Variants in PDZD8 observed in about 807,000 individuals in gnomAD.
The protein encoded by PDZD8 is PDZ domain-containing protein 8.
In PDZD8, 14 loss-of-function variants were observed where a neutral mutation model predicts 85.8. The observed-to-expected ratio is 0.16, with a 90% CI of 0.11 to 0.26. The LOEUF (loss-of-function observed/expected upper bound fraction) is 0.26, where lower values mean the gene tolerates loss of function less well. PDZD8 is among the 10% of genes least tolerant of loss of function. The probability of loss-of-function intolerance (pLI) is 1.00; values close to 1 mark genes in which losing one functional copy is unlikely to be tolerated. For synonymous variants in PDZD8, 592 were observed against 568.6 expected, an observed-to-expected ratio of 1.04 and a Z score of -0.59; for missense variants, 1,197 against 1,424.3, an observed-to-expected ratio of 0.84 and a Z score of 2.57.
At chr10:117,356,920 G>A (rs1484577518) in intron 1 of PDZD8, among the ~76,000 whole-genome samples, 1 of 151,776 alleles carries the variant, frequency 6.6e-6, no homozygotes, top group Non-Finnish European at 1.5e-5. Flanking sequence ...AAAAAACTAA[G>A]GTATTTTAAA....
At chr10:117,368,952 T>A (rs1381044814) in intron 1 of PDZD8, among the ~76,000 whole-genome samples, 1 of 144,596 alleles carries the variant, frequency 6.9e-6, no homozygotes, top group Admixed American at 7.3e-5. Context: ...GCCTCCTGGG[T>A]TCAAGCAATT....
chr10:117,311,416 T>C (rs905660652), intron 3 of PDZD8, among the ~76,000 whole-genome samples: 36 of 152,160 alleles, frequency 2.4e-4, no homozygotes, highest in African/African-American at 8.2e-4. Flanking sequence ...TGAGGTTGTA[T>C]GAAGGCTCAT....
intron 2 of PDZD8, among the ~76,000 whole-genome samples, chr10:117,330,294 C>T (rs963251450): frequency 2.6e-5 from 4 of 152,098 alleles, no homozygotes; most frequent in Admixed American, 6.5e-5. Context: ...TTTCCCCCTG[C>T]TACCTCTAAA....
At chr10:117,323,340 T>C (rs1844260158) in intron 2 of PDZD8, among the ~76,000 whole-genome samples, 1 of 152,112 alleles carries the variant, frequency 6.6e-6, no homozygotes, top group African/African-American at 2.4e-5. Flanking sequence ...CCAAGGAAAA[T>C]AAGACTGGCT....
intron 3 of PDZD8, among the ~76,000 whole-genome samples, chr10:117,295,418 A>G (rs1197393985): frequency 6.6e-6 from 1 of 152,166 alleles, no homozygotes; most frequent in Non-Finnish European, 1.5e-5. Context: ...TATACTCAAC[A>G]ATGGCAAAAT....
intron 1 of PDZD8, among the ~76,000 whole-genome samples, chr10:117,344,376 ACTT>A (rs1844667386): frequency 6.6e-6 from 1 of 152,010 alleles, no homozygotes; most frequent in Non-Finnish European, 1.5e-5. Flanking sequence ...TCCACAGTAG[ACTT>A]CTTTACTTTT....
rs1483920033 is a variant in PDZD8 at position 117,280,933 on chromosome 10, C to T, written c.*2335G>A. ...ACACCAGCTACTTACAAGTAGTCCA[C>T]CTTCCAGGTTATCAATGGTAAGTTA... On this transcript the variant is annotated 3_prime_UTR_variant, in exon 5 of 5. Coordinates refer to ENST00000334464, the MANE Select transcript of PDZD8 (RefSeq NM_173791.5). 3 of 152,196 alleles carry T rather than the reference C, an allele frequency of 2.0e-5. No individual in the cohort carries two copies. Among genetic ancestry groups the T allele is most frequent in the Admixed American group, 6.6e-5 (1 of 15,266 alleles). The allele number at this position is 152,196 out of a possible 1,614,324, so 9.4% of individuals were successfully genotyped here.
At chr10:117,323,734 TG>T in intron 2 of PDZD8, among the ~76,000 whole-genome samples, 1 of 152,314 alleles carries the variant, frequency 6.6e-6, no homozygotes, top group South Asian at 2.1e-4. Context: ...GATCTACTTA[TG>T]GGCAAGGCAA....
At chr10:117,312,225 A>G (rs1225486628) in intron 3 of PDZD8, among the ~76,000 whole-genome samples, 1 of 152,096 alleles carries the variant, frequency 6.6e-6, no homozygotes, top group African/African-American at 2.4e-5. Flanking sequence ...CACATGTACC[A>G]TGGCTGTGTA....
intron 3 of PDZD8, among the ~76,000 whole-genome samples, chr10:117,301,365 A>G (rs546870336): frequency 6.6e-6 from 1 of 152,308 alleles, no homozygotes; most frequent in African/African-American, 2.4e-5. Context: ...TGAATTCTGA[A>G]TATCAGGAAC....
At chr10:117,299,060 G>A (rs1231840142) in intron 3 of PDZD8, among the ~76,000 whole-genome samples, 4 of 152,226 alleles carry the variant, frequency 2.6e-5, no homozygotes, top group East Asian at 1.9e-4. Context: ...GTTTCAGTCC[G>A]TAGTTGGCTG....
chr10:117,372,643 T>C (rs983603939), intron 1 of PDZD8, among the ~76,000 whole-genome samples: 14 of 152,190 alleles, frequency 9.2e-5, no homozygotes, highest in African/African-American at 2.7e-4. Context: ...TATAATTTAA[T>C]CACTGATATT....
intron 3 of PDZD8, among the ~76,000 whole-genome samples, chr10:117,312,346 G>A (rs1844053618): frequency 2.0e-5 from 3 of 152,072 alleles, no homozygotes; most frequent in Non-Finnish European, 2.9e-5. Context: ...TGCGAGGGCT[G>A]GAATTTGTCA....
At chr10:117,301,634 C>T (rs148838127) in intron 3 of PDZD8, among the ~76,000 whole-genome samples, 10 of 152,228 alleles carry the variant, frequency 6.6e-5, no homozygotes, top group African/African-American at 2.4e-4. Flanking sequence ...TTAAAGGATA[C>T]AATTTACTGC....
At chr10:117,318,755 T>C in intron 3 of PDZD8, 117 bp downstream of exon 3, 1 of 640,918 alleles carries the variant, frequency 1.6e-6, no homozygotes, top group South Asian at 2.1e-5. Context: ...AAATAAGAAC[T>C]GTTCATAGCT....
intron 3 of PDZD8, among the ~76,000 whole-genome samples, chr10:117,292,512 G>A (rs1399394461): frequency 6.6e-6 from 1 of 151,638 alleles, no homozygotes; most frequent in Non-Finnish European, 1.5e-5. Flanking sequence ...CAAATGGGTA[G>A]AAAACCTAAA....
Position 117,285,378 on chromosome 10 carries a change from C to T in PDZD8, c.1355G>A (p.Ser452Asn). The part of the protein sequence containing the change: ...LVYYERPVGQ[S>N]NQGAVLQDNF... ...ATCTTGCAGCACTGCACCTTGATTA[C>T]TCTGGCCAACAGGCCTTTCATAGTA... The change falls in exon 5 of 5, where the codon AGT (serine) becomes AAT (asparagine). Residue 452 changes from serine to asparagine, a missense_variant. Around this residue, in one of 4 missense-constraint regions of PDZD8, gnomAD observed 263 missense variants for 261.9 expected, o/e 1.00. Coordinates refer to ENST00000334464, the MANE Select transcript of PDZD8 (RefSeq NM_173791.5). 6.2e-7 allele frequency: 1 copy of T among 1,614,152 alleles called. No homozygotes were observed. Among genetic ancestry groups the T allele is most frequent in the Non-Finnish European group, 8.5e-7 (1 of 1,180,026 alleles).
chr10:117,292,267 G>A (rs887186538), intron 3 of PDZD8, among the ~76,000 whole-genome samples: 3 of 152,094 alleles, frequency 2.0e-5, no homozygotes, highest in African/African-American at 4.8e-5. Flanking sequence ...ACAAAGCCCC[G>A]CCAAAACACG....
chr10:117,277,316 T>C lies in PDZD8; in HGVS notation c.*5952A>G. The C allele has an allele frequency of 8.6e-7, 1 of 1,158,752 alleles. No homozygotes were observed. The highest frequency in any genetic ancestry group is 1.3e-6 in the Non-Finnish European group (1 of 784,638). 71.8% of individuals were successfully genotyped at this position (1,158,752 alleles called of 1,614,324 possible). A position where few individuals can be genotyped will look rare whatever the true frequency, so the allele number is the denominator to read the frequency against. ...AGTGTTTAATTGTATAAAACAGTGT[T>C]TCCAGTGACACAACTCATCCAGAAC... On this transcript the variant is annotated 3_prime_UTR_variant, in exon 5 of 5. Transcript: ENST00000334464.
Sources: gnomAD v4.1 joint callset for allele counts (sites outside exome capture counted in the v4.1 genomes callset) on GRCh38, gnomAD v4.1.1 for gene constraint, gnomAD v4.1.1 regional missense constraint, MANE v1.5 for transcripts, NCBI Gene and HGNC (gene_info 2026-07-23, HGNC 2026-07-21) for gene names.